ADCY2: variants seen among roughly 807,000 people sequenced by gnomAD.
ADCY2 encodes adenylate cyclase 2.
ADCY2 carries 31 observed loss-of-function variants against 125.2 expected under a neutral mutation model. The ratio of observed to expected loss-of-function variants is 0.25; its 90% CI spans 0.19 to 0.33. ADCY2 has a LOEUF of 0.33. Among genes scored for constraint, ADCY2 ranks in the 10% least tolerant of loss-of-function variants. The probability of loss-of-function intolerance (pLI) is 1.00; values close to 1 mark genes in which losing one functional copy is unlikely to be tolerated. For synonymous variants in ADCY2, 512 were observed against 548.4 expected, an observed-to-expected ratio of 0.93 and a Z score of 0.93; for missense variants, 904 against 1,418.2, an observed-to-expected ratio of 0.64 and a Z score of 5.82.
chr5:7,412,093 C>A (rs1293408716), intron 1 of ADCY2, among the ~76,000 whole-genome samples: 4 of 151,556 alleles, frequency 2.6e-5, no homozygotes, highest in Non-Finnish European at 5.9e-5. Context: ...AAAAGAGAAG[C>A]ACGGGAAAGC....
chr5:7,804,069 A>AGAGAGAGAGAGAGAGAGAGAGAGG (rs1553990875), intron 21 of ADCY2, among the ~76,000 whole-genome samples: 1 of 140,444 alleles, frequency 7.1e-6, no homozygotes, highest in Admixed American at 7.4e-5. Flanking sequence ...AGAGAGAGAG[A>AGAGAGAGAGAGAGAGAGAGAGAGG]GAGAGCTGGT....
In ADCY2 at chr5:7,717,270, T is replaced by C. The variant is rs747474814; in HGVS notation, c.1703+33T>C. 14 of 1,490,078 alleles carry C rather than the reference T, an allele frequency of 9.4e-6. No individual in the cohort carries two copies. In the East Asian group the frequency reaches 3.2e-4, roughly 34 times the overall value. 92.3% of individuals were successfully genotyped at this position (1,490,078 alleles called of 1,614,324 possible). ...CTTCTTTCTCTTAAATTATCTTTCATCTTTTATTATGTTCCAGTTGTATTT... is the reference window on the plus strand; with the variant it reads ...CTTCTTTCTCTTAAATTATCTTTCACCTTTTATTATGTTCCAGTTGTATTT... On this transcript the variant is annotated intron_variant, in intron 12 of 24. Coordinates refer to ENST00000338316, the MANE Select transcript of ADCY2 (RefSeq NM_020546.3).
intron 7 of ADCY2, among the ~76,000 whole-genome samples, chr5:7,702,585 C>T (rs1263071082): frequency 6.6e-6 from 1 of 152,148 alleles, no homozygotes; most frequent in Non-Finnish European, 1.5e-5. Context: ...GCATAGTATT[C>T]CATGGTGTAT....
At chr5:7,691,020 A>G (rs2126308627) in intron 5 of ADCY2, 181 bp downstream of exon 5, 1 of 583,748 alleles carries the variant, frequency 1.7e-6, no homozygotes, top group East Asian at 3.5e-5. Flanking sequence ...GGGCCTTCAC[A>G]TTAAGATGAG....
intron 16 of ADCY2, among the ~76,000 whole-genome samples, chr5:7,761,148 C>CTTTTTTTT (rs367998018): frequency 0.014 from 1,216 of 88,096 alleles, 30 homozygotes; most frequent in East Asian, 0.044. Context: ...CTTTTCTTTT[C>CTTTTTTTT]TTTTTTTTTT....
intron 19 of ADCY2, among the ~76,000 whole-genome samples, chr5:7,789,023 A>C (rs960560944): frequency 3.3e-5 from 5 of 152,228 alleles, no homozygotes; most frequent in Non-Finnish European, 7.3e-5. Context: ...ATTTTAATAC[A>C]TTATAAAGCA....
At chr5:7,625,645 A>G (rs1377229739) in intron 3 of ADCY2, among the ~76,000 whole-genome samples, 1 of 152,222 alleles carries the variant, frequency 6.6e-6, no homozygotes, top group East Asian at 1.9e-4. Flanking sequence ...CAGCAAATAC[A>G]GTTTTGGTGT....
chr5:7,806,019 T>C (rs1344115877), intron 22 of ADCY2, among the ~76,000 whole-genome samples: 1 of 152,202 alleles, frequency 6.6e-6, no homozygotes, highest in Non-Finnish European at 1.5e-5. Context: ...TGCCTTTGAA[T>C]TCTGAGCAAC....
chr5:7,479,843 G>A (rs1391217599), intron 2 of ADCY2, among the ~76,000 whole-genome samples: 1 of 152,032 alleles, frequency 6.6e-6, no homozygotes, highest in African/African-American at 2.4e-5. Context: ...GTGAGAATGT[G>A]CAAAGTTAGT....
intron 4 of ADCY2, among the ~76,000 whole-genome samples, chr5:7,626,667 G>A (rs1738137929): frequency 6.6e-6 from 1 of 152,124 alleles, no homozygotes; most frequent in South Asian, 2.1e-4. Context: ...GAGAGAGGCA[G>A]GGAAGGAGGG....
At chr5:7,826,291 A>T (rs1461989247) in intron 24 of ADCY2, among the ~76,000 whole-genome samples, 1 of 152,060 alleles carries the variant, frequency 6.6e-6, no homozygotes, top group East Asian at 1.9e-4. Flanking sequence ...CAATGTATAA[A>T]CATCATCCAG....
chr5:7,507,426 G>A (rs1403883430), intron 2 of ADCY2, among the ~76,000 whole-genome samples: 13 of 100,192 alleles, frequency 1.3e-4, no homozygotes, highest in Admixed American at 1.1e-3. Flanking sequence ...GGGCGACAGA[G>A]CGAGACTCCG....
At chr5:7,576,572 GC>G (rs988630348) in intron 3 of ADCY2, among the ~76,000 whole-genome samples, 1 of 152,172 alleles carries the variant, frequency 6.6e-6, no homozygotes, top group Non-Finnish European at 1.5e-5. Flanking sequence ...ATAACAACAG[GC>G]CCTTTGAAAG....
chr5:7,498,049 A>C (rs1048795975), intron 2 of ADCY2, among the ~76,000 whole-genome samples: 8 of 152,090 alleles, frequency 5.3e-5, no homozygotes, highest in Non-Finnish European at 1.2e-4. Flanking sequence ...ATAATAGTAA[A>C]AACAATATTA....
At chr5:7,497,262 A>G (rs1324115640) in intron 2 of ADCY2, among the ~76,000 whole-genome samples, 2 of 152,202 alleles carry the variant, frequency 1.3e-5, no homozygotes, top group Non-Finnish European at 2.9e-5. Flanking sequence ...CAGGGCAGTT[A>G]TATAAAGCAG....
intron 3 of ADCY2, among the ~76,000 whole-genome samples, chr5:7,567,567 A>G (rs768857000): frequency 6.6e-6 from 1 of 151,712 alleles, no homozygotes; most frequent in East Asian, 1.9e-4. Context: ...TTTTTTCTCA[A>G]TTTTTCAGCC....
At chr5:7,730,251 A>G (rs1742060507) in intron 14 of ADCY2, among the ~76,000 whole-genome samples, 1 of 152,232 alleles carries the variant, frequency 6.6e-6, no homozygotes, top group Admixed American at 6.5e-5. Flanking sequence ...TCCATCGTGT[A>G]TGTATGCTAC....
chr5:7,562,317 T>C (rs1735732100), intron 3 of ADCY2, among the ~76,000 whole-genome samples: 1 of 152,104 alleles, frequency 6.6e-6, no homozygotes, highest in African/African-American at 2.4e-5. Flanking sequence ...TTTTTTTATT[T>C]ACATCTATGT....
chr5:7,693,413 G>GTTTTGT (rs1740779550), intron 5 of ADCY2, among the ~76,000 whole-genome samples: 1 of 32,414 alleles, frequency 3.1e-5, no homozygotes, highest in African/African-American at 6.7e-5. Context: ...GCTGTTTTTT[G>GTTTTGT]TTTTTTTTTT....
Sources: allele counts gnomAD v4.1 joint callset (sites outside exome capture counted in the v4.1 genomes callset), GRCh38; gene constraint gnomAD v4.1.1; transcripts MANE v1.5; gene names NCBI Gene and HGNC (gene_info 2026-07-23, HGNC 2026-07-21).